Variants in KSR2 observed in about 807,000 individuals in gnomAD.
KSR2 encodes kinase suppressor of ras 2.
A neutral mutation model predicts 107.8 loss-of-function variants in KSR2; 25 were observed. The observed-to-expected ratio is 0.23, with a 90% CI of 0.17 to 0.32. KSR2 has a LOEUF of 0.32. Among genes scored for constraint, KSR2 ranks in the 10% least tolerant of loss-of-function variants. The probability of loss-of-function intolerance (pLI) is 1.00; values close to 1 mark genes in which losing one functional copy is unlikely to be tolerated. For missense variants in KSR2, 887 were observed against 1,268.9 expected (o/e 0.70, Z 4.57); for synonymous variants, 480 against 507.0 (o/e 0.95, Z 0.71).
intron 4 of KSR2, among the ~76,000 whole-genome samples, chr12:117,744,075 A>T (rs1888313307): frequency 2.0e-5 from 3 of 152,068 alleles, no homozygotes. Flanking sequence ...ATAGCATTTG[A>T]TTTCTGTGCT....
At position 117,842,114 on chromosome 12, in the gene KSR2, GAC is replaced by G. The variant is rs2137165809; in HGVS notation, c.472+13312_472+13313del. On this transcript the variant is annotated intron_variant, in intron 3 of 19. Transcript: ENST00000339824. The surrounding 1 kb of genome is among the most constrained non-coding windows in gnomAD (Gnocchi z 4.2). Reference sequence around the variant, plus strand: ...ATGCAGATTTCTGGGCACTGCCCCGGACTGGCTGAAGCAGGAACTCTGGGAGT... The same window carrying G: ...ATGCAGATTTCTGGGCACTGCCCCGGTGGCTGAAGCAGGAACTCTGGGAGT... 2.0e-5 allele frequency among the ~76,000 whole-genome samples: 3 copies of G among 152,356 alleles called. No homozygotes were observed. The South Asian group carries it at 6.2e-4, about 32-fold the overall frequency.
chr12:117,495,685 A>C (rs1045775878), intron 14 of KSR2, among the ~76,000 whole-genome samples: 1 of 152,118 alleles, frequency 6.6e-6, no homozygotes, highest in African/African-American at 2.4e-5. Context: ...AGAAGTGGGG[A>C]GGGAAAAAGG....
chr12:117,469,088 C>T (rs1404035434), intron 19 of KSR2, among the ~76,000 whole-genome samples: 1 of 152,160 alleles, frequency 6.6e-6, no homozygotes, highest in Non-Finnish European at 1.5e-5. Flanking sequence ...GAAAGAGATG[C>T]CACACTCATT....
intron 5 of KSR2, among the ~76,000 whole-genome samples, chr12:117,623,678 CACAATAAACAT>C (rs1882315141): frequency 7.1e-6 from 1 of 141,730 alleles, no homozygotes; most frequent in Non-Finnish European, 1.6e-5. Flanking sequence ...TGAATAGTGC[CACAATAAACAT>C]ACATGTGCAT....
At position 117,505,597 on chromosome 12, in the gene KSR2, C is replaced by T. The variant is rs141786286; in HGVS notation, c.2219+19255G>A. ...TAGCGTAAAGTATGTATAATGTGCT[C>T]AGCACACTGCATAGCACCTGACAAG... On this transcript the variant is annotated intron_variant, in intron 14 of 19. Coordinates refer to ENST00000339824, the MANE Select transcript of KSR2 (RefSeq NM_173598.6). Among the ~76,000 whole-genome samples the T allele has an allele frequency of 1.5e-3, 223 of 152,270 alleles. 1 individual carries two copies. The highest frequency in any genetic ancestry group is 5.1e-3 in the African/African-American group (211 of 41,536).
At chr12:117,493,530 C>T (rs1359733487) in intron 14 of KSR2, among the ~76,000 whole-genome samples, 1 of 152,158 alleles carries the variant, frequency 6.6e-6, no homozygotes, top group Non-Finnish European at 1.5e-5. Context: ...CCTCAAAAGC[C>T]TCCCATGGCC....
chr12:117,953,400 C>A (rs1896421488), intron 1 of KSR2, among the ~76,000 whole-genome samples: 1 of 152,158 alleles, frequency 6.6e-6, no homozygotes, highest in Non-Finnish European at 1.5e-5. Flanking sequence ...GTATTACTTA[C>A]AATAACCAAA....
intron 18 of KSR2, 23 bp downstream of exon 18, chr12:117,471,168 T>C: frequency 6.2e-7 from 1 of 1,612,642 alleles, no homozygotes; most frequent in Non-Finnish European, 8.5e-7. Context: ...ATCCCCCAAG[T>C]CTGGACCTAT....
chr12:117,725,945 T>C (rs1408365886), intron 4 of KSR2, among the ~76,000 whole-genome samples: 1 of 152,062 alleles, frequency 6.6e-6, no homozygotes. Flanking sequence ...AGCAGGCAGA[T>C]CACTTGAGGT....
intron 1 of KSR2, among the ~76,000 whole-genome samples, chr12:117,944,658 C>A (rs1296600685): frequency 6.6e-6 from 1 of 151,818 alleles, no homozygotes; most frequent in African/African-American, 2.4e-5. Context: ...GAGATCGAGA[C>A]CAGCCTGGGC....
At chr12:117,941,845 G>A (rs1227076148) in intron 1 of KSR2, among the ~76,000 whole-genome samples, 8 of 128,800 alleles carry the variant, frequency 6.2e-5, no homozygotes, top group Non-Finnish European at 1.1e-4. Context: ...GTTTCACCAC[G>A]CTGGCCAGGC....
At chr12:117,482,221 C>T (rs971793073) in intron 16 of KSR2, among the ~76,000 whole-genome samples, 2 of 151,838 alleles carry the variant, frequency 1.3e-5, no homozygotes, top group Non-Finnish European at 2.9e-5. Flanking sequence ...CCCCATCAGC[C>T]CCCCAGATGT....
At chr12:117,963,538 G>A (rs1269761298) in intron 1 of KSR2, among the ~76,000 whole-genome samples, 1 of 152,024 alleles carries the variant, frequency 6.6e-6, no homozygotes, top group Non-Finnish European at 1.5e-5. Context: ...TGGAGGTCAA[G>A]GCTGCAGTAA....
intron 5 of KSR2, among the ~76,000 whole-genome samples, chr12:117,595,756 G>C (rs1409701996): frequency 6.6e-6 from 1 of 152,160 alleles, no homozygotes; most frequent in African/African-American, 2.4e-5. Context: ...TACTTTGAAG[G>C]CCACCTCATT....
intron 3 of KSR2, among the ~76,000 whole-genome samples, chr12:117,815,457 C>T (rs994901178): frequency 1.3e-5 from 2 of 152,112 alleles, no homozygotes; most frequent in African/African-American, 4.8e-5. Flanking sequence ...CATAATAAAA[C>T]ATTTATAAAT....
chr12:117,886,388 C>CAT (rs1894179668), intron 1 of KSR2, among the ~76,000 whole-genome samples: 1 of 151,836 alleles, frequency 6.6e-6, no homozygotes. Flanking sequence ...AGTGACAAAT[C>CAT]ATATATATGA....
chr12:117,590,353 C>G (rs1043605619), intron 5 of KSR2, among the ~76,000 whole-genome samples: 1 of 152,176 alleles, frequency 6.6e-6, no homozygotes, highest in African/African-American at 2.4e-5. Flanking sequence ...GAGCATGGGG[C>G]TTTGACGTGA....
At chr12:117,551,771 G>A (rs1015930637) in intron 9 of KSR2, among the ~76,000 whole-genome samples, 6 of 152,296 alleles carry the variant, frequency 3.9e-5, no homozygotes, top group South Asian at 2.1e-4. Flanking sequence ...AAAAAATAAC[G>A]CAGCCCTATG....
At chr12:117,664,536 G>T (rs887596837) in intron 5 of KSR2, among the ~76,000 whole-genome samples, 1 of 152,076 alleles carries the variant, frequency 6.6e-6, no homozygotes, top group Non-Finnish European at 1.5e-5. Flanking sequence ...GGAGGAGTCG[G>T]CACCTGGTAG....
Sources: gnomAD v4.1 joint callset for allele counts (sites outside exome capture counted in the v4.1 genomes callset) on GRCh38, gnomAD v4.1.1 for gene constraint, Gnocchi (gnomAD v3.1) non-coding constraint, MANE v1.5 for transcripts, NCBI Gene and HGNC (gene_info 2026-07-23, HGNC 2026-07-21) for gene names.